EPC1: variants seen among roughly 807,000 people sequenced by gnomAD.
EPC1 encodes the protein enhancer of polycomb homolog 1.
A neutral mutation model predicts 98.4 loss-of-function variants in EPC1; 12 were observed. The observed-to-expected ratio is 0.12, with a 90% CI of 0.08 to 0.20. The LOEUF (loss-of-function observed/expected upper bound fraction) is 0.20. Ranked by LOEUF, EPC1 falls within the 10% of genes least tolerant of loss-of-function variation. EPC1 has a pLI of 1.00. For synonymous variants in EPC1, 357 were observed against 363.9 expected (o/e 0.98, Z 0.21); for missense variants, 729 against 990.5 (o/e 0.74, Z 3.54).
chr10:32,303,286 T>C (rs1261200652), intron 2 of EPC1, among the ~76,000 whole-genome samples: 2 of 152,122 alleles, frequency 1.3e-5, no homozygotes, highest in African/African-American at 4.8e-5. Context: ...TGGGTGACAG[T>C]GTGAGACTTT....
At chr10:32,376,737 A>C (rs968978070) in intron 1 of EPC1, among the ~76,000 whole-genome samples, 5 of 152,152 alleles carry the variant, frequency 3.3e-5, no homozygotes, top group African/African-American at 1.2e-4. Flanking sequence ...ATGAGCATTT[A>C]CGTATTTCAA....
chr10:32,329,318 G>A (rs910989512), intron 1 of EPC1, among the ~76,000 whole-genome samples: 2 of 152,148 alleles, frequency 1.3e-5, no homozygotes, highest in Non-Finnish European at 2.9e-5. Context: ...AGGCCACATA[G>A]TACAGAACCC....
At chr10:32,364,280 C>A (rs965014909) in intron 1 of EPC1, among the ~76,000 whole-genome samples, 10 of 151,776 alleles carry the variant, frequency 6.6e-5, no homozygotes, top group Non-Finnish European at 1.3e-4. Context: ...GTGATCTGCC[C>A]GCCTCAGCCT....
chr10:32,292,300 G>A (rs1416637139), intron 5 of EPC1, 196 bp downstream of exon 5: 3 of 376,276 alleles, frequency 8.0e-6, no homozygotes, highest in Admixed American at 4.7e-5. Flanking sequence ...TTTAACTTAA[G>A]TGAATCCAGT....
intron 1 of EPC1, among the ~76,000 whole-genome samples, chr10:32,309,420 A>G (rs1370540978): frequency 6.6e-6 from 1 of 151,812 alleles, no homozygotes; most frequent in East Asian, 1.9e-4. Flanking sequence ...TTATGTACCC[A>G]TAATAATAAA....
At chr10:32,378,366 C>A (rs1414152729) in intron 1 of EPC1, 17 of 639,996 alleles carry the variant, frequency 2.7e-5, no homozygotes, top group Non-Finnish European at 4.1e-5. Flanking sequence ...TTAGGTAGAA[C>A]GTGCAGAGAT....
intron 1 of EPC1, among the ~76,000 whole-genome samples, chr10:32,308,839 T>G (rs985770801): frequency 1.3e-5 from 2 of 152,222 alleles, no homozygotes; most frequent in Non-Finnish European, 2.9e-5. Flanking sequence ...ACTCTCATGT[T>G]TACTGCAGTA....
intron 1 of EPC1, among the ~76,000 whole-genome samples, chr10:32,319,261 A>G (rs1836738784): frequency 6.6e-6 from 1 of 152,228 alleles, no homozygotes; most frequent in Non-Finnish European, 1.5e-5. Context: ...AAACTGAGCA[A>G]GTCAGAATCT....
At position 32,326,707 on chromosome 10, in the gene EPC1, T is replaced by C. The variant is rs150475604; in HGVS notation, c.153+20056A>G. Among the ~76,000 whole-genome samples the C allele has an allele frequency of 2.0e-5, 3 of 152,212 alleles. No individual in the cohort carries two copies. The East Asian group carries it at 5.8e-4, about 29-fold the overall frequency. The stretch of plus-strand genomic sequence containing the variant: ...TTTGGTAAAAGTCAGTTATAATAAC[T>C]TGAAAAGCAGATAATGTATTTAATA... On this transcript the variant is annotated intron_variant, in intron 1 of 13. Coordinates refer to ENST00000319778, the MANE Select transcript of EPC1 (RefSeq NM_001272004.3).
intron 11 of EPC1, 144 bp downstream of exon 11, chr10:32,273,019 G>C (rs761234815): frequency 1.9e-6 from 3 of 1,613,872 alleles, no homozygotes; most frequent in Non-Finnish European, 2.5e-6. Context: ...CTCACCTGTA[G>C]TGTTCTTTCT....
intron 1 of EPC1, among the ~76,000 whole-genome samples, chr10:32,373,353 C>T (rs1839803968): frequency 6.6e-6 from 1 of 152,038 alleles, no homozygotes; most frequent in South Asian, 2.1e-4. Context: ...TAAAATTAGC[C>T]CACAAGTGAC....
intron 1 of EPC1, among the ~76,000 whole-genome samples, chr10:32,325,624 T>G (rs1345520953): frequency 6.6e-6 from 1 of 152,210 alleles, no homozygotes; most frequent in Non-Finnish European, 1.5e-5. Flanking sequence ...ATATTTAAGA[T>G]GTTCCCTACA....
intron 1 of EPC1, among the ~76,000 whole-genome samples, chr10:32,329,613 C>T (rs1426082470): frequency 6.6e-6 from 1 of 152,118 alleles, no homozygotes; most frequent in South Asian, 2.1e-4. Flanking sequence ...CTTCATATAA[C>T]TCTAAATTAC....
upstream of EPC1, among the ~76,000 whole-genome samples, chr10:32,348,208 T>C (rs1838980358): frequency 6.6e-6 from 1 of 152,210 alleles, no homozygotes; most frequent in Non-Finnish European, 1.5e-5. Context: ...ATGGATATGA[T>C]AGATGGGTGG....
chr10:32,308,759 C>T (rs745581677), intron 1 of EPC1, among the ~76,000 whole-genome samples: 2 of 152,144 alleles, frequency 1.3e-5, no homozygotes, highest in Non-Finnish European at 2.9e-5. Context: ...AACTACCATA[C>T]GATTCAGCAA....
intron 1 of EPC1, among the ~76,000 whole-genome samples, chr10:32,307,821 C>T (rs990910356): frequency 6.6e-6 from 1 of 152,212 alleles, no homozygotes; most frequent in East Asian, 1.9e-4. Flanking sequence ...TTAGCACACA[C>T]ACCAAACTCA....
chr10:32,291,370 A>G (rs1321764506), intron 5 of EPC1, 48 bp from the exon 6 acceptor site: 2 of 1,420,100 alleles, frequency 1.4e-6, no homozygotes, highest in South Asian at 2.5e-5. Context: ...TTTAAGGAAT[A>G]CAATGTGATG....
Position 32,293,721 on chromosome 10 carries a change from A to G in EPC1, c.330T>C (p.Ala110=). 1.2e-6 allele frequency: 2 copies of G among 1,611,836 alleles called. No homozygotes were observed. Among genetic ancestry groups the G allele is most frequent in the Non-Finnish European group, 1.7e-6 (2 of 1,178,868 alleles). The change falls in exon 3 of 14, where the codon GCT becomes GCC. Residue 110 remains alanine (A), a synonymous_variant. Transcript: ENST00000319778. ...LIHIQPFSLD[A]EQPDYDLDSE... is the part of the protein sequence containing the mutation. ...AATCCAAATCATAATCAGGCTGTTC[A>G]GCATCCAAACTAAAAGCTGACAGAA...
upstream of EPC1, chr10:32,347,275 G>A (rs1217063720): frequency 9.9e-6 from 10 of 1,008,644 alleles, no homozygotes; most frequent in Admixed American, 4.4e-4. Flanking sequence ...CGCGCGTCCC[G>A]CCAACCCCCG....
Sources: gnomAD v4.1 joint callset for allele counts (sites outside exome capture counted in the v4.1 genomes callset) on GRCh38, gnomAD v4.1.1 for gene constraint, MANE v1.5 for transcripts, NCBI Gene and HGNC (gene_info 2026-07-23, HGNC 2026-07-21) for gene names.